COMMD10: variants seen among roughly 807,000 people sequenced by gnomAD.
COMMD10 encodes the protein COMM domain-containing protein 10.
Under a neutral mutation model 28.9 loss-of-function variants are expected in COMMD10, and 33 were observed. The ratio of observed to expected loss-of-function variants is 1.14; its 90% confidence interval spans 0.87 to 1.53. The LOEUF (loss-of-function observed/expected upper bound fraction) is 1.53. Among genes scored for constraint, COMMD10 ranks in the 40% most tolerant of loss-of-function variants. The pLI is 0.00. For missense variants in COMMD10, 310 were observed against 233.4 expected (o/e 1.33, Z -2.14); for synonymous variants, 110 against 81.7 (o/e 1.35, Z -1.87).
intron 5 of COMMD10, among the ~76,000 whole-genome samples, chr5:116,235,653 A>G (rs1580570683): frequency 6.6e-6 from 1 of 152,188 alleles, no homozygotes. Context: ...TCATTCTCCT[A>G]TAGAACCTTG....
chr5:116,265,916 G>A (rs1266953026), intron 5 of COMMD10, among the ~76,000 whole-genome samples: 1 of 151,672 alleles, frequency 6.6e-6, no homozygotes, highest in African/African-American at 2.4e-5. Context: ...CATCCTACTA[G>A]AAAAGTGGTA....
intron 4 of COMMD10, among the ~76,000 whole-genome samples, chr5:116,131,140 C>G (rs1163833118): frequency 6.6e-6 from 1 of 151,782 alleles, no homozygotes; most frequent in Admixed American, 6.6e-5. Context: ...TCATTTAACC[C>G]TTTACAACTT....
chr5:116,197,759 A>G (rs73257272), intron 5 of COMMD10, among the ~76,000 whole-genome samples: 47,412 of 152,012 alleles, frequency 0.31, 10,192 homozygotes, highest in African/African-American at 0.62. Flanking sequence ...ACACTGCAGT[A>G]AAGTGCAGAT....
intron 5 of COMMD10, among the ~76,000 whole-genome samples, chr5:116,284,480 C>G (rs1864069): frequency 6.6e-6 from 1 of 151,798 alleles, no homozygotes; most frequent in African/African-American, 2.4e-5. Flanking sequence ...GGGTAATTCT[C>G]TTCTTATTCA....
intron 5 of COMMD10, among the ~76,000 whole-genome samples, chr5:116,231,092 CT>C (rs1278435435): frequency 6.6e-6 from 1 of 152,266 alleles, no homozygotes; most frequent in African/African-American, 2.4e-5. Context: ...ACTCCATACT[CT>C]TAAGATGGTT....
chr5:116,174,523 A>G (rs1249854288), intron 5 of COMMD10, among the ~76,000 whole-genome samples: 2 of 152,196 alleles, frequency 1.3e-5, no homozygotes, highest in Admixed American at 1.3e-4. Context: ...ACTGATGGAT[A>G]ATCAATTAGT....
chr5:116,124,443 G>T (rs1751547125), intron 4 of COMMD10, among the ~76,000 whole-genome samples: 1 of 151,956 alleles, frequency 6.6e-6, no homozygotes, highest in Non-Finnish European at 1.5e-5. Flanking sequence ...ACAGTTTGTT[G>T]TGATTTCTGT....
intron 4 of COMMD10, among the ~76,000 whole-genome samples, chr5:116,116,184 C>T (rs1751227793): frequency 6.6e-6 from 1 of 151,986 alleles, no homozygotes; most frequent in Admixed American, 6.5e-5. Context: ...AAAAAAATCC[C>T]CTTTAAGCCA....
chr5:116,181,511 C>T (rs1369541605), intron 5 of COMMD10, among the ~76,000 whole-genome samples: 2 of 150,454 alleles, frequency 1.3e-5, no homozygotes, highest in Non-Finnish European at 3.0e-5. Context: ...AGTTTTGAGT[C>T]ATAGATTTTT....
chr5:116,168,060 C>T (rs980413730), intron 5 of COMMD10, among the ~76,000 whole-genome samples: 2 of 149,334 alleles, frequency 1.3e-5, no homozygotes, highest in African/African-American at 5.0e-5. Flanking sequence ...AGTCAAGACC[C>T]ATTGGTGTGC....
At chr5:116,230,033 G>A (rs926235315) in intron 5 of COMMD10, among the ~76,000 whole-genome samples, 5 of 151,718 alleles carry the variant, frequency 3.3e-5, no homozygotes, top group African/African-American at 1.2e-4. Context: ...AACTTTATTA[G>A]GTTTTGTTCA....
At chr5:116,144,094 T>C (rs1752272466) in intron 5 of COMMD10, among the ~76,000 whole-genome samples, 1 of 151,860 alleles carries the variant, frequency 6.6e-6, no homozygotes, top group African/African-American at 2.4e-5. Context: ...ATTGTCAGGT[T>C]TGTAGTCTGA....
chr5:116,224,241 T>A (rs2112647407), intron 5 of COMMD10, among the ~76,000 whole-genome samples: 1 of 152,336 alleles, frequency 6.6e-6, no homozygotes, highest in Non-Finnish European at 1.5e-5. Flanking sequence ...TATGAGGACT[T>A]CAGTTGGGAA....
At position 116,154,526 on chromosome 5, in the gene COMMD10, T is replaced by A. The variant is rs560273338; in HGVS notation, c.510+20348T>A. Among the ~76,000 whole-genome samples, 8 of 152,242 alleles carry A rather than the reference T, an allele frequency of 5.3e-5. No homozygotes were observed. The South Asian group carries it at 1.2e-3, about 24-fold the overall frequency. On this transcript the variant is annotated intron_variant, in intron 5 of 6. Transcript: ENST00000274458. The stretch of plus-strand genomic sequence containing the variant: ...CCTGGGTTCTTTTCATTTTCAGTAC[T>A]CCTTTTGGAGAAGTTTGGTTTACTA...
chr5:116,168,035 T>A (rs1753190156), intron 5 of COMMD10, among the ~76,000 whole-genome samples: 1 of 150,688 alleles, frequency 6.6e-6, no homozygotes, highest in Non-Finnish European at 1.5e-5. Context: ...AGACACACAC[T>A]GGTAAATTGG....
chr5:116,284,372 A>G (rs1751163836), intron 5 of COMMD10, among the ~76,000 whole-genome samples: 1 of 151,772 alleles, frequency 6.6e-6, no homozygotes, highest in Non-Finnish European at 1.5e-5. Flanking sequence ...ATATGTATTT[A>G]GATAGATATA....
chr5:116,245,366 C>A (rs750154131), intron 5 of COMMD10, among the ~76,000 whole-genome samples: 1 of 151,956 alleles, frequency 6.6e-6, no homozygotes, highest in African/African-American at 2.4e-5. Context: ...GCTTACCAAC[C>A]AATAATGTCC....
chr5:116,273,625 A>T (rs1211936955), intron 5 of COMMD10, among the ~76,000 whole-genome samples: 1 of 151,836 alleles, frequency 6.6e-6, no homozygotes, highest in Non-Finnish European at 1.5e-5. Flanking sequence ...CAGATACAAA[A>T]CATTAAACCA....
rs1254562894 is a variant in COMMD10 at position 116,263,376 on chromosome 5, G to C, written c.511-28141G>C. The stretch of plus-strand genomic sequence containing the variant: ...CAATCTGACTCTGGCATAACATTAC[G>C]AGACAAGGAAAAAATATTTAACCCC... On this transcript the variant is annotated intron_variant, in intron 5 of 6. Transcript: ENST00000274458. Among the ~76,000 whole-genome samples, 10 of 151,528 alleles carry C rather than the reference G, an allele frequency of 6.6e-5. 1 individual carries two copies. The highest frequency in any genetic ancestry group is 2.2e-4 in the African/African-American group (9 of 41,050).
Sources: gnomAD v4.1 joint callset for allele counts (sites outside exome capture counted in the v4.1 genomes callset) on GRCh38, gnomAD v4.1.1 for gene constraint, MANE v1.5 for transcripts, NCBI Gene and HGNC (gene_info 2026-07-23, HGNC 2026-07-21) for gene names.